The following RAB7A variants were observed in gnomAD, a reference collection of about 807,000 sequenced individuals.
The protein encoded by RAB7A is RAB7A, member RAS oncogene family.
RAB7A carries 2 observed loss-of-function variants against 24.5 expected under a neutral mutation model. That is an observed-to-expected ratio of 0.08 (90% CI 0.03 to 0.26). The LOEUF (loss-of-function observed/expected upper bound fraction) is 0.26, where lower values mean the gene tolerates loss of function less well. RAB7A is among the 10% of genes least tolerant of loss of function. The probability of loss-of-function intolerance (pLI) is 1.00; values close to 1 mark genes in which losing one functional copy is unlikely to be tolerated. For synonymous variants in RAB7A, 100 were observed against 95.9 expected (o/e 1.04, Z -0.25); for missense variants, 118 against 255.7 (o/e 0.46, Z 3.67).
chr3:128,764,138 T>C (rs2070803259), intron 1 of RAB7A, among the ~76,000 whole-genome samples: 1 of 152,012 alleles, frequency 6.6e-6, no homozygotes, highest in South Asian at 2.1e-4. Context: ...CTCCCTCCCA[T>C]TTAGCGGGGC....
chr3:128,799,890 A>G (rs1292286496), intron 3 of RAB7A, among the ~76,000 whole-genome samples: 3 of 152,220 alleles, frequency 2.0e-5, no homozygotes, highest in Non-Finnish European at 4.4e-5. Context: ...AGGAGAGAAG[A>G]TGAGTTCATA....
In RAB7A at chr3:128,807,548, C is replaced by T. The variant is rs753869029; in HGVS notation, c.405C>T (p.Ala135=). ...NKIDLENRQV[A]TKRAQAWCYS... is the part of the protein sequence containing the mutation. Reference sequence around the variant, plus strand: ...CACCCTGCTTCTTCTTTCAGGTGGCCACAAAGCGGGCACAGGCCTGGTGCT... The same window carrying T: ...CACCCTGCTTCTTCTTTCAGGTGGCTACAAAGCGGGCACAGGCCTGGTGCT... Residue 135 remains alanine, a synonymous_variant, in exon 5 of 6, where the codon GCC becomes GCT. Transcript: ENST00000265062. 4.3e-6 allele frequency: 7 copies of T among 1,613,962 alleles called. No individual in the cohort carries two copies. In the East Asian group the frequency reaches 1.3e-4, roughly 31 times the overall value.
chr3:128,750,506 C>G (rs2070666331), intron 1 of RAB7A, among the ~76,000 whole-genome samples: 1 of 152,162 alleles, frequency 6.6e-6, no homozygotes. Context: ...AGGTGATTCA[C>G]CTGCCTCAGC....
intron 1 of RAB7A, among the ~76,000 whole-genome samples, chr3:128,744,545 T>C (rs2070589859): frequency 6.6e-6 from 1 of 152,256 alleles, no homozygotes; most frequent in Admixed American, 6.5e-5. Flanking sequence ...CACTCCTTCA[T>C]TATCCAGTTG....
At chr3:128,756,450 A>G (rs35439439) in intron 1 of RAB7A, among the ~76,000 whole-genome samples, 24,709 of 152,144 alleles carry the variant, frequency 0.16, 2,446 homozygotes, top group South Asian at 0.3. Context: ...ATAAAATAGT[A>G]AATTAGGTAG....
In RAB7A at chr3:128,813,621, A is replaced by T. The variant is rs954918201; in HGVS notation, c.*199A>T. 50 of 610,728 alleles carry T rather than the reference A, an allele frequency of 8.2e-5. No homozygotes were observed. Among genetic ancestry groups the T allele is most frequent in the African/African-American group, 6.7e-4 (37 of 54,896 alleles). The allele number at this position is 610,728 out of a possible 1,614,324, so 37.8% of individuals were successfully genotyped here. A position where few individuals can be genotyped will look rare whatever the true frequency, so the allele number is the denominator to read the frequency against. On this transcript the variant is annotated 3_prime_UTR_variant, in exon 6 of 6. Transcript: ENST00000265062. ...CACACACGCACACACACACACACAG[A>T]TCTGACGTAATCAAACTCCAGCCCT...
At chr3:128,781,257 G>A (rs1477515374) in intron 1 of RAB7A, among the ~76,000 whole-genome samples, 5 of 152,172 alleles carry the variant, frequency 3.3e-5, no homozygotes, top group Non-Finnish European at 7.3e-5. Context: ...AGTTAGAAAA[G>A]CCCTCATAAC....
chr3:128,757,785 T>TG (rs1018506909), intron 1 of RAB7A, among the ~76,000 whole-genome samples: 4 of 152,164 alleles, frequency 2.6e-5, no homozygotes, highest in African/African-American at 9.7e-5. Flanking sequence ...CCCAGAGTGC[T>TG]GGGATTATAG....
chr3:128,740,962 A>G (rs949058144), intron 1 of RAB7A, among the ~76,000 whole-genome samples: 9 of 151,160 alleles, frequency 6.0e-5, no homozygotes, highest in Non-Finnish European at 8.8e-5. Context: ...AACTAGAAAA[A>G]TACTAACTAC....
At chr3:128,774,762 C>G (rs571559692) in intron 1 of RAB7A, among the ~76,000 whole-genome samples, 148 of 152,236 alleles carry the variant, frequency 9.7e-4, no homozygotes, top group Admixed American at 1.7e-3. Context: ...TTAGTAGAGA[C>G]AGGGTTTCAC....
intron 1 of RAB7A, among the ~76,000 whole-genome samples, chr3:128,754,900 G>A (rs1015035613): frequency 1.3e-5 from 2 of 152,154 alleles, no homozygotes; most frequent in Admixed American, 6.5e-5. Flanking sequence ...ACTGATAATG[G>A]AAGGGAGAAA....
At position 128,747,033 on chromosome 3, in the gene RAB7A, G is replaced by A. The variant is rs767464596; in HGVS notation, c.-9+20674G>A. The stretch of plus-strand genomic sequence containing the variant: ...AACTGAAACATAATAGGCTGGGTGC[G>A]GTGGTTCACATACCTGTAATCCCAG... On this transcript the variant is annotated intron_variant, in intron 1 of 5. Transcript: ENST00000265062. 1.4e-4 allele frequency among the ~76,000 whole-genome samples: 21 copies of A among 151,662 alleles called. 1 individual carries two copies. The highest frequency in any genetic ancestry group is 5.8e-4 in the East Asian group (3 of 5,172).
chr3:128,805,790 T>C lies in RAB7A; in HGVS notation c.181-582T>C, dbSNP rs138676859. On this transcript the variant is annotated intron_variant, in intron 3 of 5. Coordinates refer to ENST00000265062, the MANE Select transcript of RAB7A (RefSeq NM_004637.6). ...GCCTCAGCCTCCCAAGTAGCTAGGA[T>C]TACAGGCATGCACCACCATGCCTGG... Among the ~76,000 whole-genome samples the C allele has an allele frequency of 1.7e-3, 259 of 152,198 alleles. 2 individuals carry two copies. The East Asian group carries it at 0.03, about 18-fold the overall frequency.
chr3:128,779,595 G>A (rs533608680), intron 1 of RAB7A, among the ~76,000 whole-genome samples: 2 of 147,292 alleles, frequency 1.4e-5, no homozygotes, highest in African/African-American at 2.4e-5. Context: ...GGGGTGGGGT[G>A]GGGGGGTGGT....
At chr3:128,756,738 T>C (rs2070732406) in intron 1 of RAB7A, among the ~76,000 whole-genome samples, 2 of 152,164 alleles carry the variant, frequency 1.3e-5, no homozygotes, top group Non-Finnish European at 2.9e-5. Context: ...GGTCTCACAC[T>C]TCCTGATTTC....
Position 128,813,550 on chromosome 3 carries a change from A to C in RAB7A, c.*128A>C. 1.2e-6 allele frequency: 1 copy of C among 816,878 alleles called. No individual in the cohort carries two copies. Among genetic ancestry groups the C allele is most frequent in the Middle Eastern group, 2.2e-4 (1 of 4,516 alleles). The allele number at this position is 816,878 out of a possible 1,614,324, so 50.6% of individuals were successfully genotyped here. A position where few individuals can be genotyped will look rare whatever the true frequency, so the allele number is the denominator to read the frequency against. On this transcript the variant is annotated 3_prime_UTR_variant, in exon 6 of 6. Coordinates refer to ENST00000265062, the MANE Select transcript of RAB7A (RefSeq NM_004637.6). ...CTCTCACATCCAGCTGCCAAAAGAA[A>C]ACCCCATCAAACACAGTTACACCCC...
chr3:128,776,245 T>C (rs968535410), intron 1 of RAB7A, among the ~76,000 whole-genome samples: 2 of 152,204 alleles, frequency 1.3e-5, no homozygotes, highest in African/African-American at 4.8e-5. Flanking sequence ...CTGACTAGTA[T>C]TCCATTGTGC....
chr3:128,726,997 A>C (rs753676384), intron 1 of RAB7A, among the ~76,000 whole-genome samples: 4 of 152,188 alleles, frequency 2.6e-5, no homozygotes, highest in Non-Finnish European at 4.4e-5. Flanking sequence ...AAGTTTTTCA[A>C]CTTAATCGAG....
intron 1 of RAB7A, among the ~76,000 whole-genome samples, chr3:128,789,475 G>C (rs2107608395): frequency 6.6e-6 from 1 of 151,224 alleles, no homozygotes; most frequent in Middle Eastern, 3.5e-3. Context: ...AGTTATTACA[G>C]GTGTGTTTCA....
Sources: gnomAD v4.1 joint callset for allele counts (sites outside exome capture counted in the v4.1 genomes callset) on GRCh38, gnomAD v4.1.1 for gene constraint, MANE v1.5 for transcripts, NCBI Gene and HGNC (gene_info 2026-07-23, HGNC 2026-07-21) for gene names.